GABRB1: variants seen among roughly 807,000 people sequenced by gnomAD.
The protein encoded by GABRB1 is gamma-aminobutyric acid receptor subunit beta-1.
Under a neutral mutation model 51.6 loss-of-function variants are expected in GABRB1, and 17 were observed. The ratio of observed to expected loss-of-function variants is 0.33; its 90% confidence interval spans 0.23 to 0.49. GABRB1 has a LOEUF of 0.49. GABRB1 is among the 20% of genes least tolerant of loss of function. The pLI, the probability that GABRB1 is intolerant of heterozygous loss-of-function variation, is 0.99. For missense variants in GABRB1, 410 were observed against 600.6 expected (o/e 0.68, Z 3.32); for synonymous variants, 247 against 218.9 (o/e 1.13, Z -1.14).
intron 3 of GABRB1, among the ~76,000 whole-genome samples, chr4:47,033,405 T>C (rs1310523200): frequency 1.1e-4 from 17 of 152,200 alleles, no homozygotes; most frequent in Admixed American, 1.1e-3. Context: ...TTTCTAACTG[T>C]TGCTTCTCGT....
chr4:47,395,498 G>A (rs780480498), intron 5 of GABRB1, among the ~76,000 whole-genome samples: 3 of 152,056 alleles, frequency 2.0e-5, no homozygotes, highest in Non-Finnish European at 4.4e-5. Context: ...ATTACAATTC[G>A]AGATGAGATT....
At chr4:47,208,123 T>A (rs1366984020) in intron 4 of GABRB1, among the ~76,000 whole-genome samples, 3 of 152,070 alleles carry the variant, frequency 2.0e-5, no homozygotes, top group Non-Finnish European at 2.9e-5. Flanking sequence ...ATAAGGGTGT[T>A]TGTGTGTGTA....
chr4:47,371,258 A>T (rs1394039329), intron 5 of GABRB1, among the ~76,000 whole-genome samples: 1 of 152,188 alleles, frequency 6.6e-6, no homozygotes, highest in Non-Finnish European at 1.5e-5. Context: ...CCCTGGAAAG[A>T]ACATGATATC....
At chr4:47,264,765 T>A (rs1450862252) in intron 4 of GABRB1, among the ~76,000 whole-genome samples, 1 of 152,202 alleles carries the variant, frequency 6.6e-6, no homozygotes, top group African/African-American at 2.4e-5. Flanking sequence ...GATACAGAAC[T>A]TTTCCATCAC....
intron 4 of GABRB1, among the ~76,000 whole-genome samples, chr4:47,312,348 T>C (rs1010561938): frequency 6.6e-6 from 1 of 152,132 alleles, no homozygotes; most frequent in African/African-American, 2.4e-5. Context: ...CTAGCCAAAA[T>C]CCTGTCACAA....
intron 5 of GABRB1, among the ~76,000 whole-genome samples, chr4:47,386,800 C>T (rs1436685898): frequency 1.3e-5 from 2 of 152,124 alleles, no homozygotes; most frequent in African/African-American, 4.8e-5. Context: ...ATAGTAACCC[C>T]ACATTCTGTA....
At chr4:47,106,608 C>G (rs535339902) in intron 3 of GABRB1, among the ~76,000 whole-genome samples, 1 of 152,096 alleles carries the variant, frequency 6.6e-6, no homozygotes, top group East Asian at 1.9e-4. Context: ...TCTGCAAACC[C>G]AACCAACTCT....
At chr4:47,073,282 G>C (rs1459999314) in intron 3 of GABRB1, among the ~76,000 whole-genome samples, 1 of 152,182 alleles carries the variant, frequency 6.6e-6, no homozygotes, top group South Asian at 2.1e-4. Context: ...CCTAATAAAA[G>C]TTGGATATAT....
chr4:47,288,604 C>T (rs1723603228), intron 4 of GABRB1, among the ~76,000 whole-genome samples: 3 of 152,106 alleles, frequency 2.0e-5, no homozygotes, highest in African/African-American at 7.2e-5. Context: ...TCTAGCAGCT[C>T]CTGTAATGAA....
chr4:47,293,272 G>A (rs1723829321), intron 4 of GABRB1, among the ~76,000 whole-genome samples: 1 of 152,108 alleles, frequency 6.6e-6, no homozygotes, highest in Admixed American at 6.5e-5. Context: ...CTCCCAAGTA[G>A]CTGGGATTAC....
At chr4:47,039,071 A>G (rs1725718280) in intron 3 of GABRB1, among the ~76,000 whole-genome samples, 1 of 152,096 alleles carries the variant, frequency 6.6e-6, no homozygotes, top group Admixed American at 6.6e-5. Context: ...ACTACTTGAC[A>G]GATATGCTTA....
chr4:46,995,139 T>A (rs769479477), intron 1 of GABRB1, among the ~76,000 whole-genome samples: 8 of 152,208 alleles, frequency 5.3e-5, no homozygotes, highest in Non-Finnish European at 1.2e-4. Context: ...TATCTGCTGT[T>A]ACAGTGCATG....
chr4:47,414,833 G>T (rs1478407063), intron 8 of GABRB1, among the ~76,000 whole-genome samples: 2 of 152,022 alleles, frequency 1.3e-5, no homozygotes, highest in African/African-American at 2.4e-5. Flanking sequence ...GCATTGTAAA[G>T]GTATACAGCT....
intron 3 of GABRB1, among the ~76,000 whole-genome samples, chr4:47,081,422 A>G (rs954311198): frequency 5.9e-5 from 9 of 152,222 alleles, no homozygotes; most frequent in Non-Finnish European, 7.3e-5. Context: ...ACAAATGCAG[A>G]CAATAGTCTC....
intron 4 of GABRB1, among the ~76,000 whole-genome samples, chr4:47,210,637 A>G (rs1720317101): frequency 6.6e-6 from 1 of 152,196 alleles, no homozygotes; most frequent in Admixed American, 6.6e-5. Context: ...ATATCTTCAT[A>G]TAATAATTGT....
intron 4 of GABRB1, among the ~76,000 whole-genome samples, chr4:47,301,853 A>G (rs1024348549): frequency 5.3e-5 from 8 of 152,196 alleles, no homozygotes; most frequent in Admixed American, 5.2e-4. Flanking sequence ...TTCTACAGGT[A>G]GAAATTTGTT....
chr4:47,062,144 AT>A (rs1726868947), intron 3 of GABRB1, among the ~76,000 whole-genome samples: 1 of 152,156 alleles, frequency 6.6e-6, no homozygotes, highest in Non-Finnish European at 1.5e-5. Flanking sequence ...TTTGAACTGC[AT>A]CACCTTAAGA....
At chr4:47,117,405 G>C (rs1035094414) in intron 3 of GABRB1, among the ~76,000 whole-genome samples, 3 of 152,122 alleles carry the variant, frequency 2.0e-5, no homozygotes, top group African/African-American at 7.2e-5. Context: ...TTGCTGGCAA[G>C]GGTGCTGAGT....
intron 4 of GABRB1, among the ~76,000 whole-genome samples, chr4:47,308,674 A>G (rs535331608): frequency 6.6e-6 from 1 of 152,230 alleles, no homozygotes; most frequent in South Asian, 2.1e-4. Flanking sequence ...CAAATAAACC[A>G]AAAAGGTAGT....
Sources: allele counts gnomAD v4.1 joint callset (sites outside exome capture counted in the v4.1 genomes callset), GRCh38; gene constraint gnomAD v4.1.1; transcripts MANE v1.5; gene names NCBI Gene and HGNC (gene_info 2026-07-23, HGNC 2026-07-21).